Variants in EXOC4 observed in about 807,000 individuals in gnomAD.
The protein encoded by EXOC4 is exocyst complex component 4, also known as SEC8-like 1.
A neutral mutation model predicts 107.2 loss-of-function variants in EXOC4; 71 were observed. The observed-to-expected ratio is 0.66, with a 90% CI of 0.55 to 0.81. The LOEUF is 0.81. Among genes scored for constraint, EXOC4 ranks in the 30% least tolerant of loss-of-function variants. The pLI, the probability that EXOC4 is intolerant of heterozygous loss-of-function variation, is 0.00. For missense variants in EXOC4, 1,108 were observed against 1,189.6 expected (o/e 0.93, Z 1.01); for synonymous variants, 456 against 441.2 (o/e 1.03, Z -0.42).
chr7:133,721,059 G>A (rs1168642784), intron 10 of EXOC4, among the ~76,000 whole-genome samples: 2 of 151,918 alleles, frequency 1.3e-5, no homozygotes, highest in Admixed American at 1.3e-4. Flanking sequence ...TCCAATTAAC[G>A]GAAAATAGAG....
At chr7:133,376,396 A>G (rs544106451) in intron 7 of EXOC4, among the ~76,000 whole-genome samples, 1 of 152,306 alleles carries the variant, frequency 6.6e-6, no homozygotes, top group African/African-American at 2.4e-5. Flanking sequence ...TTTCGTATCC[A>G]TGTTTAAGTA....
intron 14 of EXOC4, among the ~76,000 whole-genome samples, chr7:133,980,524 T>C (rs1333190221): frequency 1.3e-5 from 2 of 152,240 alleles, no homozygotes; most frequent in Non-Finnish European, 2.9e-5. Context: ...TGAATCATAA[T>C]GTAACTACTA....
At position 133,535,101 on chromosome 7, in the gene EXOC4, CT is replaced by C. The variant is rs573258332; in HGVS notation, c.1417+54968del. Among the ~76,000 whole-genome samples the C allele has an allele frequency of 7.2e-5, 11 of 152,232 alleles. 2 individuals carry two copies. In the South Asian group the frequency reaches 1.9e-3, roughly 26 times the overall value. On this transcript the variant is annotated intron_variant, in intron 9 of 17. Transcript: ENST00000253861. ...CCGTATTTTATTTTTTGAAAACAATCTTTTTGAGTGTCAAATGCTTATCTGT... is the reference window on the plus strand; with the variant it reads ...CCGTATTTTATTTTTTGAAAACAATCTTTTGAGTGTCAAATGCTTATCTGT...
intron 10 of EXOC4, among the ~76,000 whole-genome samples, chr7:133,699,640 A>G (rs78226333): frequency 0.017 from 2,634 of 152,234 alleles, 77 homozygotes; most frequent in African/African-American, 0.059. Context: ...CCTGTTGTCA[A>G]GCAAACATGC....
At chr7:133,519,713 AG>A (rs1289052122) in intron 9 of EXOC4, among the ~76,000 whole-genome samples, 1 of 152,208 alleles carries the variant, frequency 6.6e-6, no homozygotes, top group Non-Finnish European at 1.5e-5. Context: ...AATTCAAAAT[AG>A]TTTAGAGAAG....
At chr7:133,389,202 G>A (rs1035297976) in intron 7 of EXOC4, among the ~76,000 whole-genome samples, 4 of 152,066 alleles carry the variant, frequency 2.6e-5, no homozygotes, top group African/African-American at 9.7e-5. Context: ...GCAGAGGCAG[G>A]GAAAAGAAAG....
At chr7:133,828,476 G>T (rs1183483173) in intron 11 of EXOC4, among the ~76,000 whole-genome samples, 2 of 152,168 alleles carry the variant, frequency 1.3e-5, no homozygotes, top group Non-Finnish European at 2.9e-5. Context: ...AGCAGTTTTT[G>T]CCCTATGTGG....
intron 17 of EXOC4, among the ~76,000 whole-genome samples, chr7:134,019,927 T>C (rs183180056): frequency 6.6e-6 from 1 of 152,250 alleles, no homozygotes; most frequent in African/African-American, 2.4e-5. Flanking sequence ...TGCAGACTCT[T>C]CCTACCTTGG....
intron 7 of EXOC4, among the ~76,000 whole-genome samples, chr7:133,397,509 G>A (rs577269928): frequency 6.6e-6 from 1 of 152,194 alleles, no homozygotes; most frequent in African/African-American, 2.4e-5. Flanking sequence ...ATTAAGGACA[G>A]CTTCTTTGCT....
chr7:133,653,252 A>G (rs1198272830), intron 10 of EXOC4, among the ~76,000 whole-genome samples: 1 of 152,178 alleles, frequency 6.6e-6, no homozygotes, highest in African/African-American at 2.4e-5. Flanking sequence ...CAGATTCTCT[A>G]TTACTTTGAA....
intron 9 of EXOC4, among the ~76,000 whole-genome samples, chr7:133,557,446 C>T (rs956703473): frequency 2.0e-5 from 3 of 152,004 alleles, no homozygotes; most frequent in African/African-American, 7.3e-5. Flanking sequence ...TGTTAATGGC[C>T]TAGGGATTTC....
At chr7:133,971,427 T>C (rs910382443) in intron 14 of EXOC4, among the ~76,000 whole-genome samples, 1 of 147,156 alleles carries the variant, frequency 6.8e-6, no homozygotes, top group African/African-American at 2.5e-5. Flanking sequence ...ATGTATTCTA[T>C]GTAAGAATAT....
At chr7:133,581,984 G>A (rs937483383) in intron 9 of EXOC4, among the ~76,000 whole-genome samples, 1 of 151,992 alleles carries the variant, frequency 6.6e-6, no homozygotes, top group Non-Finnish European at 1.5e-5. Context: ...TGAGAACTCC[G>A]TCACTATCAT....
chr7:134,026,683 G>C (rs768047362), intron 17 of EXOC4, among the ~76,000 whole-genome samples: 1 of 152,104 alleles, frequency 6.6e-6, no homozygotes, highest in African/African-American at 2.4e-5. Context: ...GTTATGGAAA[G>C]ATATTTTTAT....
chr7:133,817,619 A>G, intron 11 of EXOC4, 75 bp downstream of exon 11: 1 of 1,104,620 alleles, frequency 9.1e-7, no homozygotes, highest in Non-Finnish European at 1.3e-6. Context: ...AATTTAAAAA[A>G]GAAGAATTAC....
intron 17 of EXOC4, among the ~76,000 whole-genome samples, chr7:134,056,433 T>C (rs1450587224): frequency 1.3e-5 from 2 of 152,248 alleles, no homozygotes; most frequent in Non-Finnish European, 2.9e-5. Context: ...CATTATTTGA[T>C]AACATCAGAA....
chr7:133,886,385 A>G (rs979968217), intron 11 of EXOC4, among the ~76,000 whole-genome samples: 3 of 152,208 alleles, frequency 2.0e-5, no homozygotes, highest in Non-Finnish European at 4.4e-5. Context: ...CAAAGGTACA[A>G]TCATCCTTAT....
At chr7:133,956,640 C>T (rs1800825803) in intron 14 of EXOC4, among the ~76,000 whole-genome samples, 1 of 152,176 alleles carries the variant, frequency 6.6e-6, no homozygotes, top group African/African-American at 2.4e-5. Flanking sequence ...TGGGCTGCTT[C>T]AGTGCACACA....
At chr7:133,567,304 G>A (rs373548738) in intron 9 of EXOC4, among the ~76,000 whole-genome samples, 18 of 151,432 alleles carry the variant, frequency 1.2e-4, no homozygotes, top group African/African-American at 3.9e-4. Flanking sequence ...GTAACATTAT[G>A]AACACTGTTC....
Sources: allele counts gnomAD v4.1 joint callset (sites outside exome capture counted in the v4.1 genomes callset), GRCh38; gene constraint gnomAD v4.1.1; transcripts MANE v1.5; gene names NCBI Gene and HGNC (gene_info 2026-07-23, HGNC 2026-07-21).